Variants in PHF14 observed in about 807,000 individuals in gnomAD.
PHF14 encodes PHD finger protein 14.
PHF14 carries 55 observed loss-of-function variants against 117.9 expected under a neutral mutation model. The ratio of observed to expected loss-of-function variants is 0.47; its 90% CI spans 0.38 to 0.58. The LOEUF is 0.58. Among genes scored for constraint, PHF14 ranks in the 20% least tolerant of loss-of-function variants. The probability of loss-of-function intolerance (pLI) is 0.00; values close to 1 mark genes in which losing one functional copy is unlikely to be tolerated. For missense variants in PHF14, 978 were observed against 1,122.2 expected (o/e 0.87, Z 1.84); for synonymous variants, 409 against 368.6 (o/e 1.11, Z -1.26).
rs139726592 is a variant in PHF14, at chr7:11,100,457, C to G, written c.2655-10893C>G. Reference sequence around the variant, plus strand: ...AAGAGAGGTAACTGGGGTACATAGACACTAAGCAGTGTGAAATAGAAATTA... The same window carrying G: ...AAGAGAGGTAACTGGGGTACATAGAGACTAAGCAGTGTGAAATAGAAATTA... On this transcript the variant is annotated intron_variant, in intron 16 of 17. Transcript: ENST00000634607. Among the ~76,000 whole-genome samples the G allele has an allele frequency of 2.8e-3, 422 of 151,936 alleles. 3 individuals carry two copies. The highest frequency in any genetic ancestry group is 3.9e-3 in the Non-Finnish European group (266 of 67,878).
chr7:10,996,963 G>A (rs1782674691), intron 4 of PHF14, among the ~76,000 whole-genome samples: 1 of 152,144 alleles, frequency 6.6e-6, no homozygotes, highest in Non-Finnish European at 1.5e-5. Context: ...GACAGAGTAG[G>A]TATCACCAAT....
chr7:11,034,155 AT>A (rs202135801), intron 7 of PHF14, among the ~76,000 whole-genome samples: 11 of 150,814 alleles, frequency 7.3e-5, no homozygotes, highest in South Asian at 2.1e-4. Context: ...GACACATTAG[AT>A]TTTTTTTTCT....
intron 2 of PHF14, among the ~76,000 whole-genome samples, chr7:10,975,341 CTT>C (rs754847920): frequency 6.6e-5 from 10 of 152,126 alleles, no homozygotes; most frequent in Non-Finnish European, 1.0e-4. Context: ...TTGACAATCT[CTT>C]AGGGGAGTTT....
At chr7:11,019,329 G>A (rs549782737) in intron 5 of PHF14, among the ~76,000 whole-genome samples, 5 of 152,144 alleles carry the variant, frequency 3.3e-5, no homozygotes, top group Non-Finnish European at 7.4e-5. Flanking sequence ...TTCTTTAAGT[G>A]TTTGGTAAAA....
chr7:11,002,858 G>A (rs1782926789), intron 4 of PHF14, among the ~76,000 whole-genome samples: 3 of 152,236 alleles, frequency 2.0e-5, no homozygotes, highest in Admixed American at 1.3e-4. Flanking sequence ...ATAGAAGGTT[G>A]AGGGTCAATG....
intron 13 of PHF14, among the ~76,000 whole-genome samples, chr7:11,043,607 TA>T (rs1201352893): frequency 6.6e-6 from 1 of 152,132 alleles, no homozygotes; most frequent in African/African-American, 2.4e-5. Context: ...TTTTATCACT[TA>T]AGGCTACCTC....
intron 16 of PHF14, among the ~76,000 whole-genome samples, chr7:11,077,126 A>G (rs1785890571): frequency 6.6e-6 from 1 of 152,012 alleles, no homozygotes; most frequent in African/African-American, 2.4e-5. Context: ...GGTCGTTAGT[A>G]ATGTTCATTA....
intron 5 of PHF14, chr7:11,015,302 G>C (rs143972394): frequency 1.3e-5 from 2 of 152,058 alleles, no homozygotes; most frequent in African/African-American, 4.8e-5. Flanking sequence ...AGATTGCTGG[G>C]ATAGCGTAGA....
At chr7:11,106,264 T>G (rs1787259201) in intron 16 of PHF14, 1 of 965,286 alleles carries the variant, frequency 1.0e-6, no homozygotes, top group Admixed American at 6.2e-5. Context: ...TTTTTAAAAT[T>G]AATTTTTATG....
At chr7:10,994,527 T>C (rs75636689) in intron 4 of PHF14, among the ~76,000 whole-genome samples, 3,204 of 152,268 alleles carry the variant, frequency 0.021, 127 homozygotes, top group African/African-American at 0.073. Context: ...GTGAGCAAGC[T>C]GGTTAGTGGT....
chr7:10,987,387 T>G (rs1045649576), intron 3 of PHF14, among the ~76,000 whole-genome samples: 2 of 152,118 alleles, frequency 1.3e-5, no homozygotes, highest in Non-Finnish European at 2.9e-5. Flanking sequence ...AGATAAAATT[T>G]AGCCTATTGT....
chr7:10,988,016 C>CCA (rs1554299508), intron 3 of PHF14, among the ~76,000 whole-genome samples: 27 of 115,626 alleles, frequency 2.3e-4, no homozygotes, highest in Admixed American at 5.8e-4. Context: ...AACTCCTTCT[C>CCA]AAAAAAAAAA....
At chr7:11,023,876 T>C (rs1232784790) in intron 6 of PHF14, among the ~76,000 whole-genome samples, 1 of 152,054 alleles carries the variant, frequency 6.6e-6, no homozygotes. Flanking sequence ...TACAGTGGCC[T>C]CTAAGTGTTC....
chr7:11,023,422 A>T (rs1783800500), intron 6 of PHF14, among the ~76,000 whole-genome samples: 1 of 152,294 alleles, frequency 6.6e-6, no homozygotes, highest in Non-Finnish European at 1.5e-5. Context: ...TAGATGGTGA[A>T]CTTAATTGAT....
At chr7:11,103,204 A>G in intron 16 of PHF14, 1 of 962,502 alleles carries the variant, frequency 1.0e-6, no homozygotes, top group Non-Finnish European at 1.2e-6. Context: ...TATTATTAGC[A>G]TGAAATTTTT....
At chr7:11,081,869 G>A (rs75014528) in intron 16 of PHF14, among the ~76,000 whole-genome samples, 1 of 145,832 alleles carries the variant, frequency 6.9e-6, no homozygotes, top group African/African-American at 2.8e-5. Context: ...AAAAAAAAAA[G>A]AGATTTATGA....
intron 2 of PHF14, among the ~76,000 whole-genome samples, chr7:10,978,333 G>C (rs778184070): frequency 1.3e-5 from 2 of 152,168 alleles, no homozygotes; most frequent in Non-Finnish European, 2.9e-5. Context: ...TGATACAAAG[G>C]ATGGTTGATC....
intron 5 of PHF14, among the ~76,000 whole-genome samples, chr7:11,019,716 G>GT (rs1783665781): frequency 6.6e-6 from 1 of 151,842 alleles, no homozygotes; most frequent in African/African-American, 2.4e-5. Context: ...TTTTGTATAT[G>GT]TTTTTTATTT....
chr7:11,031,832 A>G (rs959581509), intron 7 of PHF14, among the ~76,000 whole-genome samples: 4 of 152,182 alleles, frequency 2.6e-5, no homozygotes, highest in African/African-American at 9.7e-5. Context: ...TTATGTTACT[A>G]TGTTTTACAT....
Sources: gnomAD v4.1 joint callset for allele counts (sites outside exome capture counted in the v4.1 genomes callset) on GRCh38, gnomAD v4.1.1 for gene constraint, MANE v1.5 for transcripts, NCBI Gene and HGNC (gene_info 2026-07-23, HGNC 2026-07-21) for gene names.